Variants in SPATA6L observed in about 807,000 individuals in gnomAD.
SPATA6L encodes the protein spermatogenesis associated 6-like protein.
Under a neutral mutation model 49.2 loss-of-function variants are expected in SPATA6L, and 68 were observed. That is an observed-to-expected ratio of 1.38 (90% CI 1.14 to 1.69). The LOEUF (loss-of-function observed/expected upper bound fraction) is 1.69, where lower values mean the gene tolerates loss of function less well. Among genes scored for constraint, SPATA6L ranks in the 40% most tolerant of loss-of-function variants. The pLI, the probability that SPATA6L is intolerant of heterozygous loss-of-function variation, is 0.00. For missense variants in SPATA6L, 668 were observed against 464.3 expected, an observed-to-expected ratio of 1.44 and a Z score of -4.03; for synonymous variants, 198 against 165.7, an observed-to-expected ratio of 1.19 and a Z score of -1.50.
chr9:4,641,928 T>C (rs10815049), intron 3 of SPATA6L, among the ~76,000 whole-genome samples: 10,611 of 152,104 alleles, frequency 0.07, 616 homozygotes, highest in African/African-American at 0.14. Flanking sequence ...CCAGCACACA[T>C]AGCTAATTTT....
intron 3 of SPATA6L, among the ~76,000 whole-genome samples, chr9:4,638,942 T>G (rs1390614788): frequency 6.6e-6 from 1 of 151,936 alleles, no homozygotes; most frequent in East Asian, 1.9e-4. Context: ...GCACCACAAA[T>G]TCAAGTTCTA....
downstream of SPATA6L, among the ~76,000 whole-genome samples, chr9:4,597,066 A>G (rs1241929505): frequency 6.6e-6 from 1 of 152,174 alleles, no homozygotes; most frequent in Non-Finnish European, 1.5e-5. Context: ...TACTATTATT[A>G]CCTCCATATT....
Position 4,625,479 on chromosome 9 carries a change from T to G in SPATA6L, c.517A>C (p.Asn173His). 2 of 1,614,114 alleles carry G rather than the reference T, an allele frequency of 1.2e-6. No homozygotes were observed. Among genetic ancestry groups the G allele is most frequent in the Non-Finnish European group, 1.7e-6 (2 of 1,179,994 alleles). Residue 173 changes from asparagine (N) to histidine (H), a missense_variant, in exon 6 of 12, where the codon AAT becomes CAT. Asn to His is a moderately conservative substitution (Grantham distance 68). Coordinates refer to ENST00000682582, the MANE Select transcript of SPATA6L (RefSeq NM_001353486.2). ...CCTTTGGGCAGTCTGTTGAGATTAT[T>G]CTCCTTTAGTTTCATCTTTATAGTA... is the stretch of plus-strand genomic sequence containing the variant. ...LNTIKMKLKENNLNRLPKGMQ... is the reference protein window; with the variant it reads ...LNTIKMKLKEHNLNRLPKGMQ...
chr9:4,611,860 T>A (rs1413559981), intron 9 of SPATA6L, among the ~76,000 whole-genome samples: 3 of 152,094 alleles, frequency 2.0e-5, no homozygotes, highest in African/African-American at 7.2e-5. Context: ...TCCCAGTAGT[T>A]GTTGTTTCAC....
intron 9 of SPATA6L, among the ~76,000 whole-genome samples, chr9:4,613,177 G>C (rs1043224788): frequency 2.0e-5 from 3 of 151,648 alleles, no homozygotes; most frequent in Non-Finnish European, 1.5e-5. Context: ...GTAGTGAGCT[G>C]AGATGGGGCC....
intron 3 of SPATA6L, among the ~76,000 whole-genome samples, chr9:4,648,651 G>C (rs144179415): frequency 0.19 from 29,063 of 150,240 alleles, 4,640 homozygotes; most frequent in African/African-American, 0.44. Flanking sequence ...AGTGAGCCGA[G>C]ATTGCGCCAC....
intron 2 of SPATA6L, among the ~76,000 whole-genome samples, chr9:4,659,996 G>A (rs1390382451): frequency 3.3e-5 from 5 of 152,202 alleles, no homozygotes; most frequent in South Asian, 4.1e-4. Flanking sequence ...GCTGAAACTG[G>A]ATCCTTTCCT....
At chr9:4,597,820 C>A (rs574028059), downstream of SPATA6L, among the ~76,000 whole-genome samples, 3 of 152,158 alleles carry the variant, frequency 2.0e-5, no homozygotes, top group African/African-American at 7.2e-5. Flanking sequence ...TCCGGTGGTA[C>A]TAGTGGGTTC....
chr9:4,636,586 A>G (rs1028353368), intron 3 of SPATA6L, among the ~76,000 whole-genome samples: 1 of 152,176 alleles, frequency 6.6e-6, no homozygotes, highest in Non-Finnish European at 1.5e-5. Context: ...ACTATAGCCA[A>G]TGAGGCAGTT....
intron 3 of SPATA6L, among the ~76,000 whole-genome samples, chr9:4,649,633 G>C (rs909490968): frequency 6.6e-6 from 1 of 152,166 alleles, no homozygotes; most frequent in Non-Finnish European, 1.5e-5. Context: ...ATACTTCACT[G>C]AAAAATCCTA....
At chr9:4,600,972 C>T (rs149391758) in intron 11 of SPATA6L, among the ~76,000 whole-genome samples, 163 bp from the exon 12 acceptor site, 2 of 152,332 alleles carry the variant, frequency 1.3e-5, no homozygotes, top group East Asian at 1.9e-4. Flanking sequence ...ATTCCCACAA[C>T]AGAATAACCC....
chr9:4,603,386 C>T (rs963457364), intron 11 of SPATA6L, among the ~76,000 whole-genome samples: 3 of 152,032 alleles, frequency 2.0e-5, no homozygotes, highest in Non-Finnish European at 4.4e-5. Context: ...ACCAAGATTG[C>T]GCCATTGCAC....
In SPATA6L at chr9:4,662,929, G is replaced by T. The variant is rs149516642; in HGVS notation, c.40-893C>A. The T allele has an allele frequency of 1.3e-3, 2,129 of 1,610,956 alleles. 4 individuals carry two copies. The highest frequency in any genetic ancestry group is 1.6e-3 in the Non-Finnish European group (1,930 of 1,179,952). ...CTGCTGCTGGTGGCCTTGATCAAAGGGCTGGTCCGCAGGCGCCGCCCGGCC... is the reference window on the plus strand; with the variant it reads ...CTGCTGCTGGTGGCCTTGATCAAAGTGCTGGTCCGCAGGCGCCGCCCGGCC... On this transcript the variant is annotated intron_variant, in intron 1 of 11. Transcript: ENST00000682582. This position sits in a 1 kb window ranked among gnomAD's most constrained non-coding sequence, Gnocchi z 4.9.
At chr9:4,597,319 T>TACAC (rs57570250), downstream of SPATA6L, among the ~76,000 whole-genome samples, 783 of 143,962 alleles carry the variant, frequency 5.4e-3, 5 homozygotes, top group East Asian at 0.019. Flanking sequence ...GAAAACAAAA[T>TACAC]ACACACACAC....
intron 9 of SPATA6L, among the ~76,000 whole-genome samples, chr9:4,613,883 C>T: frequency 6.6e-6 from 1 of 152,106 alleles, no homozygotes; most frequent in East Asian, 1.9e-4. Flanking sequence ...ACGCTTGGCC[C>T]TTCTCTAAGA....
intron 4 of SPATA6L, 67 bp from the exon 5 acceptor site, chr9:4,629,235 C>G: frequency 9.0e-7 from 1 of 1,116,684 alleles, no homozygotes; most frequent in Non-Finnish European, 1.3e-6. Context: ...CTCCTTCTAA[C>G]TTGAAATCAT....
Position 4,605,341 on chromosome 9 carries a change from T to A in SPATA6L, c.1089+6A>T, listed in dbSNP as rs370790432. On this transcript the variant is annotated splice_donor_region_variant and intron_variant, in intron 10 of 11. Transcript: ENST00000682582. ...GCAAAGATCTAGTTTTATAAGAAAG[T>A]CTAACCTTGTTTTGGTGCAGCTGTG... 6.2e-7 allele frequency: 1 copy of A among 1,610,170 alleles called. No homozygotes were observed. Among genetic ancestry groups the A allele is most frequent in the Non-Finnish European group, 8.5e-7 (1 of 1,176,590 alleles).
chr9:4,603,876 G>C (rs144195516), intron 11 of SPATA6L, among the ~76,000 whole-genome samples: 11 of 152,294 alleles, frequency 7.2e-5, no homozygotes, highest in African/African-American at 2.2e-4. Flanking sequence ...AACATGTGCA[G>C]AGACCCCATG....
chr9:4,595,741 A>G (rs1344724076), downstream of SPATA6L, among the ~76,000 whole-genome samples: 1 of 152,212 alleles, frequency 6.6e-6, no homozygotes, highest in Non-Finnish European at 1.5e-5. Context: ...AAGCAACAGT[A>G]TCTTGGTACA....
Sources: gnomAD v4.1 joint callset for allele counts (sites outside exome capture counted in the v4.1 genomes callset) on GRCh38, gnomAD v4.1.1 for gene constraint, Gnocchi (gnomAD v3.1) non-coding constraint, MANE v1.5 for transcripts, NCBI Gene and HGNC (gene_info 2026-07-23, HGNC 2026-07-21) for gene names.